SBF2: variants seen among roughly 807,000 people sequenced by gnomAD.
SBF2 encodes SET binding factor 2.
In SBF2, 112 loss-of-function variants were observed where a neutral mutation model predicts 225.2. The ratio of observed to expected loss-of-function variants is 0.50; its 90% CI spans 0.43 to 0.58. The LOEUF is 0.58. Among genes scored for constraint, SBF2 ranks in the 20% least tolerant of loss-of-function variants. The probability of loss-of-function intolerance (pLI) is 0.00; values close to 1 mark genes in which losing one functional copy is unlikely to be tolerated. For synonymous variants in SBF2, 763 were observed against 773.3 expected, an observed-to-expected ratio of 0.99 and a Z score of 0.22; for missense variants, 1,996 against 2,206.2, an observed-to-expected ratio of 0.90 and a Z score of 1.91.
At position 9,967,971 on chromosome 11, in the gene SBF2, CTATATATA is replaced by C. The variant is rs1188261255; in HGVS notation, c.1600+362_1600+369del. On this transcript the variant is annotated intron_variant, in intron 14 of 39. Transcript: ENST00000256190. ...TGTCTCTCTCTCTCTCTCTCTCTCT[CTATATATA>C]TATATATATATAAAATATATATATA... Among the ~76,000 whole-genome samples the C allele has an allele frequency of 4.5e-3, 410 of 91,454 alleles. 3 individuals are homozygous for C. The highest frequency in any genetic ancestry group is 0.014 in the African/African-American group (380 of 26,452). 60.0% of individuals were successfully genotyped at this position (91,454 alleles called of 152,430 possible). A position where few individuals can be genotyped will look rare whatever the true frequency, so the allele number is the denominator to read the frequency against.
At chr11:9,814,507 TA>T (rs1270550582) in intron 29 of SBF2, among the ~76,000 whole-genome samples, 2 of 151,828 alleles carry the variant, frequency 1.3e-5, no homozygotes, top group Non-Finnish European at 2.9e-5. Context: ...GTATCTCAAT[TA>T]AAAAAAATAA....
intron 2 of SBF2, among the ~76,000 whole-genome samples, chr11:10,146,429 T>C (rs908533827): frequency 6.6e-6 from 1 of 151,676 alleles, no homozygotes; most frequent in Admixed American, 6.6e-5. Context: ...ATAACTACAA[T>C]CATCCAATCT....
chr11:10,263,912 T>C lies in SBF2; in HGVS notation c.55+30103A>G, dbSNP rs541603170. 2.0e-5 allele frequency among the ~76,000 whole-genome samples: 3 copies of C among 152,258 alleles called. No homozygotes were observed. In the East Asian group the frequency reaches 5.8e-4, roughly 29 times the overall value. On this transcript the variant is annotated intron_variant, in intron 1 of 39. Coordinates refer to ENST00000256190, the MANE Select transcript of SBF2 (RefSeq NM_030962.4). ...CATTCAAGCATTATCTGAGGAAAAT[T>C]ATCCAAACAGGTCTTAACAATAACC...
intron 33 of SBF2, among the ~76,000 whole-genome samples, chr11:9,792,106 ATTGTGT>A (rs1210663779): frequency 2.0e-5 from 3 of 152,310 alleles, no homozygotes; most frequent in Non-Finnish European, 4.4e-5. Flanking sequence ...AGGAGAATTC[ATTGTGT>A]TTAAGTTTTT....
chr11:10,228,990 G>A (rs1294238717), intron 1 of SBF2, among the ~76,000 whole-genome samples: 1 of 152,018 alleles, frequency 6.6e-6, no homozygotes. Context: ...TATTGCCACA[G>A]TTTCAGCTCC....
intron 17 of SBF2, among the ~76,000 whole-genome samples, chr11:9,886,596 G>T (rs1860323733): frequency 6.9e-6 from 1 of 144,994 alleles, no homozygotes; most frequent in Admixed American, 6.8e-5. Flanking sequence ...GTGGATTTCT[G>T]CCTCTTTTTT....
chr11:10,127,679 A>G (rs1953823158), intron 2 of SBF2, among the ~76,000 whole-genome samples: 2 of 152,192 alleles, frequency 1.3e-5, no homozygotes, highest in Non-Finnish European at 2.9e-5. Flanking sequence ...ACAGTTAAAT[A>G]TATTGTCTTT....
intron 16 of SBF2, among the ~76,000 whole-genome samples, chr11:9,937,395 A>G (rs1209513660): frequency 2.0e-5 from 3 of 152,338 alleles, no homozygotes; most frequent in African/African-American, 4.8e-5. Flanking sequence ...AAACATTATA[A>G]TAAGTGCTGA....
Position 9,785,288 on chromosome 11 carries a change from T to A in SBF2, c.5068A>T (p.Ile1690Phe). ...TAGGAAGGTAGGTTGGTAGACACAA[T>A]TCCTGGGGATCTCGACAGGTGTCTT... The part of the protein sequence containing the change: ...SQRHLSRSPG[I>F]VSTNLPSYQK... Residue 1690 changes from isoleucine (I) to phenylalanine (F), a missense_variant, in exon 37 of 40, where the codon ATT becomes TTT. Physicochemically the swap from Ile to Phe is conservative, Grantham distance 21 (BLOSUM62 0). Coordinates refer to ENST00000256190, the MANE Select transcript of SBF2 (RefSeq NM_030962.4). 1 of 1,614,172 alleles carries A rather than the reference T, an allele frequency of 6.2e-7. No homozygotes were observed. Among genetic ancestry groups the A allele is most frequent in the Non-Finnish European group, 8.5e-7 (1 of 1,180,022 alleles).
intron 28 of SBF2, among the ~76,000 whole-genome samples, chr11:9,824,930 G>A (rs1854980726): frequency 1.3e-5 from 2 of 152,024 alleles, no homozygotes; most frequent in African/African-American, 4.8e-5. Context: ...GGAACCTTAG[G>A]AAAAAAATCA....
chr11:10,113,442 T>C (rs1952976655), intron 2 of SBF2, among the ~76,000 whole-genome samples: 1 of 152,176 alleles, frequency 6.6e-6, no homozygotes, highest in Non-Finnish European at 1.5e-5. Context: ...TCTATAGCAA[T>C]TATGATAGTT....
At chr11:9,786,591 C>G (rs529318088) in intron 36 of SBF2, among the ~76,000 whole-genome samples, 1 of 152,312 alleles carries the variant, frequency 6.6e-6, no homozygotes, top group Admixed American at 6.5e-5. Context: ...CTGCTGGCCT[C>G]TTCTTCCTGA....
At position 10,046,879 on chromosome 11, in the gene SBF2, C is replaced by CAAA. The variant is rs34571490; in HGVS notation, c.142-3901_142-3899dup. Among the ~76,000 whole-genome samples the CAAA allele has an allele frequency of 4.9e-3, 487 of 99,604 alleles. 4 individuals carry two copies. Among genetic ancestry groups the CAAA allele is most frequent in the South Asian group, 0.034 (101 of 2,972 alleles). 65.3% of individuals were successfully genotyped at this position (99,604 alleles called of 152,430 possible). On this transcript the variant is annotated intron_variant, in intron 2 of 39. Transcript: ENST00000256190. The stretch of plus-strand genomic sequence containing the variant: ...TGTGTAAACAGATAATCTGAAAGGA[C>CAAA]AAAAAAAAAAAAAAAACCCATCCCT...
intron 2 of SBF2, among the ~76,000 whole-genome samples, chr11:10,135,261 C>T (rs1415669977): frequency 6.6e-6 from 1 of 151,982 alleles, no homozygotes; most frequent in Non-Finnish European, 1.5e-5. Flanking sequence ...GGACCCTGGG[C>T]CTGGCCCAGG....
At chr11:9,949,002 G>A (rs556807382) in intron 16 of SBF2, among the ~76,000 whole-genome samples, 16 of 151,958 alleles carry the variant, frequency 1.1e-4, no homozygotes, top group Non-Finnish European at 1.8e-4. Context: ...GCTTCTATTT[G>A]GCTGCCATTA....
intron 1 of SBF2, among the ~76,000 whole-genome samples, chr11:10,230,352 T>C (rs917894948): frequency 4.6e-5 from 7 of 152,206 alleles, no homozygotes; most frequent in Non-Finnish European, 7.3e-5. Context: ...ATCCTGTCAT[T>C]ATGATGCTGG....
chr11:9,918,809 G>A (rs1268934548), intron 16 of SBF2, among the ~76,000 whole-genome samples: 1 of 151,842 alleles, frequency 6.6e-6, no homozygotes, highest in African/African-American at 2.4e-5. Flanking sequence ...CGTGATCTCG[G>A]CTCGCTGCAA....
At chr11:9,972,904 A>C (rs929787672) in intron 13 of SBF2, among the ~76,000 whole-genome samples, 3 of 152,272 alleles carry the variant, frequency 2.0e-5, no homozygotes, top group Non-Finnish European at 4.4e-5. Flanking sequence ...TGTTAAAACA[A>C]AGTTCAAAGT....
At chr11:10,154,697 T>C (rs1045906388) in intron 2 of SBF2, among the ~76,000 whole-genome samples, 8 of 152,212 alleles carry the variant, frequency 5.3e-5, no homozygotes, top group African/African-American at 1.9e-4. Flanking sequence ...CTAAATGCTG[T>C]ATGTTTTTTA....
Sources: gnomAD v4.1 joint callset for allele counts (sites outside exome capture counted in the v4.1 genomes callset) on GRCh38, gnomAD v4.1.1 for gene constraint, MANE v1.5 for transcripts, NCBI Gene and HGNC (gene_info 2026-07-23, HGNC 2026-07-21) for gene names.